Variants in CD44 observed in about 807,000 individuals in gnomAD.
CD44 encodes the protein CD44 antigen.
A neutral mutation model predicts 88.8 loss-of-function variants in CD44; 49 were observed. The observed-to-expected ratio is 0.55, with a 90% CI of 0.44 to 0.70. The LOEUF is 0.70. Among genes scored for constraint, CD44 ranks in the 30% least tolerant of loss-of-function variants. The pLI is 0.00. For synonymous variants in CD44, 325 were observed against 312.3 expected, an observed-to-expected ratio of 1.04 and a Z score of -0.43; for missense variants, 883 against 913.8, an observed-to-expected ratio of 0.97 and a Z score of 0.43.
At position 35,193,270 on chromosome 11, in the gene CD44, TATA is replaced by T. The variant is rs1356430327; in HGVS notation, c.667+3208_667+3210del. 2.6e-5 allele frequency among the ~76,000 whole-genome samples: 4 copies of T among 152,190 alleles called. No homozygotes were observed. In the East Asian group the frequency reaches 7.7e-4, roughly 29 times the overall value. ...TGGGATAACAACAACAAAAAAAGCT[TATA>T]ATGTTTTAAGAAAGTTTATGAATTT... On this transcript the variant is annotated intron_variant, in intron 5 of 17. Transcript: ENST00000428726.
chr11:35,168,805 TC>T (rs1943572562), intron 1 of CD44, among the ~76,000 whole-genome samples: 2 of 152,216 alleles, frequency 1.3e-5, no homozygotes, highest in Admixed American at 6.5e-5. Context: ...TGGGTGGTCT[TC>T]ATATGGAATG....
intron 17 of CD44, among the ~76,000 whole-genome samples, chr11:35,223,900 G>A (rs12270356): frequency 0.17 from 25,675 of 151,962 alleles, 2,170 homozygotes; most frequent in Admixed American, 0.2. Flanking sequence ...TTGAAAATGG[G>A]GCCTCCAATA....
intron 15 of CD44, 104 bp downstream of exon 15, chr11:35,215,018 C>T: frequency 1.7e-6 from 1 of 601,494 alleles, no homozygotes; most frequent in South Asian, 3.6e-5. Flanking sequence ...GGTTCTCAAA[C>T]CTTCTTAGCA....
intron 17 of CD44, among the ~76,000 whole-genome samples, chr11:35,224,968 C>A (rs1005290275): frequency 1.5e-4 from 23 of 152,186 alleles, no homozygotes; most frequent in African/African-American, 5.5e-4. Flanking sequence ...TCTTATGCTA[C>A]AGTCTAGCTC....
rs1032263898 is a variant in CD44 at position 35,219,205 on chromosome 11, A to G, written c.1874-111A>G. The G allele has an allele frequency of 1.0e-5, 8 of 768,320 alleles. No individual in the cohort carries two copies. In the African/African-American group the frequency reaches 1.2e-4, roughly 12 times the overall value. 47.6% of individuals were successfully genotyped at this position (768,320 alleles called of 1,614,324 possible). On this transcript the variant is annotated intron_variant, in intron 15 of 17. Transcript: ENST00000428726. ...AAACATCTGCAGCTTGAATCCATAA[A>G]TGGCTTCTCAGTGATTCAGAATGTG... is the stretch of plus-strand genomic sequence containing the variant.
chr11:35,188,532 G>C (rs16927042), intron 4 of CD44, among the ~76,000 whole-genome samples: 13,164 of 152,230 alleles, frequency 0.086, 575 homozygotes, highest in South Asian at 0.13. Flanking sequence ...CTCTTTTGAA[G>C]TCCAGACATG....
At chr11:35,220,147 C>T (rs897444291) in intron 16 of CD44, among the ~76,000 whole-genome samples, 48 of 152,258 alleles carry the variant, frequency 3.2e-4, no homozygotes, top group African/African-American at 1.0e-3. Flanking sequence ...TGGCATGCAC[C>T]GTTCTCCTTT....
chr11:35,221,548 G>C, intron 16 of CD44, 106 bp from the exon 17 acceptor site: 1 of 927,242 alleles, frequency 1.1e-6, no homozygotes, highest in Non-Finnish European at 1.8e-6. Context: ...CCCCTGCAGC[G>C]CTGACTGTGG....
chr11:35,211,294 G>T lies in CD44; in HGVS notation c.1655G>T (p.Gly552Val), dbSNP rs765485845. 2 of 1,613,908 alleles carry T rather than the reference G, an allele frequency of 1.2e-6. No homozygotes were observed. The highest frequency in any genetic ancestry group is 2.2e-5 in the South Asian group (2 of 91,074). ...AGAAGAGACCCAAATCATTCTGAAG[G>T]CTCAACTACTTTACTGGAAGGTTAT... Reference protein sequence around the residue: ...GGRRDPNHSEGSTTLLEGYTS... With the variant: ...GGRRDPNHSEVSTTLLEGYTS... The change falls in exon 14 of 18, where the codon GGC becomes GTC. Residue 552 changes from glycine to valine, a missense_variant. Transcript: ENST00000428726.
intron 12 of CD44, 31 bp downstream of exon 12, chr11:35,208,237 G>A (rs1287593835): frequency 1.5e-6 from 2 of 1,376,042 alleles, no homozygotes; most frequent in Non-Finnish European, 2.1e-6. Context: ...CCACTTTATT[G>A]ACTTGTATTC....
At chr11:35,177,365 A>AACAAGCAAGGACTTT (rs1944573056) in intron 2 of CD44, among the ~76,000 whole-genome samples, 2 of 152,238 alleles carry the variant, frequency 1.3e-5, no homozygotes, top group Non-Finnish European at 2.9e-5. Flanking sequence ...AGATAATCAC[A>AACAAGCAAGGACTTT]ACAAGCAAGG....
intron 1 of CD44, among the ~76,000 whole-genome samples, chr11:35,167,009 T>A (rs1247145767): frequency 2.0e-5 from 3 of 152,200 alleles, no homozygotes; most frequent in African/African-American, 7.2e-5. Flanking sequence ...TGTGCCAGCC[T>A]TCTAGACTGG....
At chr11:35,228,746 A>G (rs1949892710) in intron 17 of CD44, among the ~76,000 whole-genome samples, 1 of 152,216 alleles carries the variant, frequency 6.6e-6, no homozygotes, top group African/African-American at 2.4e-5. Flanking sequence ...TGGTTTGCAA[A>G]CTTGACTGTG....
intron 5 of CD44, 145 bp from the exon 6 acceptor site, chr11:35,196,601 T>C (rs1450932438): frequency 7.1e-6 from 6 of 842,798 alleles, no homozygotes; most frequent in Non-Finnish European, 1.1e-5. Context: ...AATGGAACTT[T>C]TTTGCTTTTT....
intron 11 of CD44, among the ~76,000 whole-genome samples, chr11:35,207,767 T>C (rs1351182777): frequency 6.6e-6 from 1 of 152,252 alleles, no homozygotes; most frequent in African/African-American, 2.4e-5. Flanking sequence ...TTTCTCCATG[T>C]GTCAGATTGC....
Position 35,172,359 on chromosome 11 carries a change from A to T in CD44, c.68-4216A>T, listed in dbSNP as rs1944002227. Among the ~76,000 whole-genome samples the T allele has an allele frequency of 2.0e-5, 3 of 152,174 alleles. No homozygotes were observed. In the South Asian group the frequency reaches 6.2e-4, roughly 32 times the overall value. On this transcript the variant is annotated intron_variant, in intron 1 of 17. Transcript: ENST00000428726. ...AAAGCTCAGCTCTTGGTTGCAGCTG[A>T]TCTGGGCACAATGGTTTTGGCAACC... is the stretch of plus-strand genomic sequence containing the variant.
intron 15 of CD44, among the ~76,000 whole-genome samples, chr11:35,218,033 C>T (rs550940496): frequency 6.6e-6 from 1 of 152,256 alleles, no homozygotes; most frequent in East Asian, 1.9e-4. Flanking sequence ...AGAGATCCTC[C>T]TGTCTCAGCC....
chr11:35,206,563 C>T (rs1407054560), intron 11 of CD44, among the ~76,000 whole-genome samples: 2 of 151,812 alleles, frequency 1.3e-5, no homozygotes. Context: ...TTCTGAGAAC[C>T]CCTCCCTGCC....
Position 35,199,948 on chromosome 11 carries a change from T to TG in CD44, c.923-1134_923-1133insG, listed in dbSNP as rs1419805142. 2.6e-3 allele frequency among the ~76,000 whole-genome samples: 385 copies of TG among 149,550 alleles called. 2 individuals carry two copies. Among genetic ancestry groups the TG allele is most frequent in the African/African-American group, 7.5e-3 (305 of 40,906 alleles). On this transcript the variant is annotated intron_variant, in intron 7 of 17. Transcript: ENST00000428726. Reference sequence around the variant, plus strand: ...CCCATGGTGTTGTTTTTTTTTTTTTTTTTTTTTTTTTTTAATTTTTTAAAT... The same window carrying TG: ...CCCATGGTGTTGTTTTTTTTTTTTTTGTTTTTTTTTTTTTAATTTTTTAAAT...
Sources: gnomAD v4.1 joint callset for allele counts (sites outside exome capture counted in the v4.1 genomes callset) on GRCh38, gnomAD v4.1.1 for gene constraint, MANE v1.5 for transcripts, NCBI Gene and HGNC (gene_info 2026-07-23, HGNC 2026-07-21) for gene names.